The following LINGO1 variants were observed in gnomAD, a reference collection of about 807,000 sequenced individuals.
The protein encoded by LINGO1 is leucine rich repeat and Ig domain containing 1, also known as leucine-rich repeat and immunoglobulin-like domain-containing nogo receptor-interacting protein 1.
Under a neutral mutation model 37.3 loss-of-function variants are expected in LINGO1, and 11 were observed. The observed-to-expected ratio is 0.29, with a 90% CI of 0.19 to 0.49. LINGO1 has a LOEUF of 0.49. Among genes scored for constraint, LINGO1 ranks in the 20% least tolerant of loss-of-function variants. LINGO1 has a pLI of 0.99. For synonymous variants in LINGO1, 387 were observed against 403.0 expected, an observed-to-expected ratio of 0.96 and a Z score of 0.48; for missense variants, 585 against 878.2, an observed-to-expected ratio of 0.67 and a Z score of 4.22.
intron 1 of LINGO1, among the ~76,000 whole-genome samples, chr15:77,774,581 C>T (rs955051012): frequency 8.5e-5 from 13 of 152,160 alleles, no homozygotes; most frequent in African/African-American, 3.1e-4. Flanking sequence ...TGATCCCCAG[C>T]AGGGCATGAG....
intron 1 of LINGO1, among the ~76,000 whole-genome samples, chr15:77,737,792 G>A (rs2076217899): frequency 6.6e-6 from 1 of 152,006 alleles, no homozygotes; most frequent in African/African-American, 2.4e-5. Context: ...GCCTCTCCTG[G>A]CTGTCCTCCT....
At chr15:77,802,120 T>G (rs1596245395) in intron 1 of LINGO1, among the ~76,000 whole-genome samples, 1 of 150,510 alleles carries the variant, frequency 6.6e-6, no homozygotes, top group African/African-American at 2.4e-5. Flanking sequence ...GTACAGAGAG[T>G]GGGGGGATGA....
At chr15:77,785,343 GC>G (rs1321690608) in intron 1 of LINGO1, among the ~76,000 whole-genome samples, 1 of 152,182 alleles carries the variant, frequency 6.6e-6, no homozygotes, top group Non-Finnish European at 1.5e-5. Context: ...GTGGGGTCCT[GC>G]CAGTTTGGGC....
At chr15:77,713,754 G>T (rs56886206) in intron 2 of LINGO1, among the ~76,000 whole-genome samples, 2,933 of 152,188 alleles carry the variant, frequency 0.019, 102 homozygotes, top group African/African-American at 0.068. Context: ...AGGTATACGC[G>T]TCATCATGCC....
chr15:77,640,636 G>C (rs1329198932), intron 3 of LINGO1, among the ~76,000 whole-genome samples: 1 of 152,162 alleles, frequency 6.6e-6, no homozygotes, highest in Non-Finnish European at 1.5e-5. Context: ...CCTCTGTTTG[G>C]TGTTGGGGAC....
chr15:77,751,430 A>G (rs1218777325), intron 1 of LINGO1, among the ~76,000 whole-genome samples: 1 of 152,222 alleles, frequency 6.6e-6, no homozygotes, highest in Non-Finnish European at 1.5e-5. Flanking sequence ...TGAGAAATTT[A>G]GAATACCAGA....
chr15:77,675,593 G>A (rs1178038802), intron 3 of LINGO1, among the ~76,000 whole-genome samples: 1 of 152,152 alleles, frequency 6.6e-6, no homozygotes, highest in Non-Finnish European at 1.5e-5. Flanking sequence ...AAGTGTGGAA[G>A]GGGACATATC....
chr15:77,749,939 C>A (rs1347400480), intron 1 of LINGO1, among the ~76,000 whole-genome samples: 2 of 152,050 alleles, frequency 1.3e-5, no homozygotes, highest in African/African-American at 2.4e-5. Context: ...ATCCTCCCAG[C>A]AGCTCTCAGG....
chr15:77,640,020 T>C (rs533259628), intron 3 of LINGO1, among the ~76,000 whole-genome samples: 13 of 152,348 alleles, frequency 8.5e-5, no homozygotes, highest in Middle Eastern at 3.4e-3. Flanking sequence ...CTATCTCATC[T>C]TACAGTGGGG....
intron 1 of LINGO1, among the ~76,000 whole-genome samples, chr15:77,742,708 T>C (rs909589194): frequency 2.0e-5 from 3 of 152,222 alleles, no homozygotes; most frequent in Non-Finnish European, 4.4e-5. Context: ...GAGCTGGTGT[T>C]ACAAGGCAGT....
chr15:77,694,795 T>C (rs1231693223), intron 1 of LINGO1, among the ~76,000 whole-genome samples: 1 of 152,188 alleles, frequency 6.6e-6, no homozygotes, highest in Non-Finnish European at 1.5e-5. Flanking sequence ...ACCCCACACC[T>C]ACAGCTGCTG....
At chr15:77,628,167 A>G (rs1189866967) in intron 1 of LINGO1, among the ~76,000 whole-genome samples, 1 of 152,226 alleles carries the variant, frequency 6.6e-6, no homozygotes, top group African/African-American at 2.4e-5. Flanking sequence ...TCCTAGTAAG[A>G]GTGAATGCGA....
At chr15:77,627,196 G>A (rs949881502) in intron 1 of LINGO1, among the ~76,000 whole-genome samples, 3 of 152,110 alleles carry the variant, frequency 2.0e-5, no homozygotes, top group Admixed American at 6.5e-5. Flanking sequence ...TCACCCTGGC[G>A]GCAATCAATT....
intron 2 of LINGO1, among the ~76,000 whole-genome samples, chr15:77,734,346 TACAAA>T (rs952141706): frequency 4.0e-5 from 6 of 151,232 alleles, no homozygotes; most frequent in African/African-American, 7.3e-5. Flanking sequence ...TTAATTAAAA[TACAAA>T]ACAAAACAAA....
chr15:77,720,954 G>A (rs576253266), intron 2 of LINGO1, among the ~76,000 whole-genome samples: 1 of 152,006 alleles, frequency 6.6e-6, no homozygotes, highest in Non-Finnish European at 1.5e-5. Flanking sequence ...CACCTTCCGG[G>A]ACTCTCCTGG....
At chr15:77,657,105 A>C (rs1295168647) in intron 3 of LINGO1, among the ~76,000 whole-genome samples, 1 of 152,172 alleles carries the variant, frequency 6.6e-6, no homozygotes, top group Non-Finnish European at 1.5e-5. Flanking sequence ...TATAAAATGG[A>C]AGCTAATGCC....
chr15:77,733,166 G>A (rs79993924), intron 2 of LINGO1, among the ~76,000 whole-genome samples: 23,681 of 152,186 alleles, frequency 0.16, 2,338 homozygotes, highest in Admixed American at 0.3. Flanking sequence ...AACCGAGTGG[G>A]GCTGGGGCCC....
upstream of LINGO1, among the ~76,000 whole-genome samples, chr15:77,697,461 G>A (rs2075711593): frequency 6.6e-6 from 1 of 152,138 alleles, no homozygotes; most frequent in Non-Finnish European, 1.5e-5. Flanking sequence ...ACAGAAAGGA[G>A]GCCAACTCCA....
chr15:77,810,112 A>G (rs2141477128), intron 1 of LINGO1, among the ~76,000 whole-genome samples: 1 of 152,126 alleles, frequency 6.6e-6, no homozygotes, highest in South Asian at 2.1e-4. Flanking sequence ...CACTATGGAC[A>G]GGAGACCAGT....
Sources: gnomAD v4.1 joint callset for allele counts (sites outside exome capture counted in the v4.1 genomes callset) on GRCh38, gnomAD v4.1.1 for gene constraint, MANE v1.5 for transcripts, NCBI Gene and HGNC (gene_info 2026-07-23, HGNC 2026-07-21) for gene names.